CEP63: variants seen among roughly 807,000 people sequenced by gnomAD.
CEP63 encodes centrosomal protein of 63 kDa.
A neutral mutation model predicts 89.1 loss-of-function variants in CEP63; 84 were observed. The observed-to-expected ratio is 0.94, with a 90% confidence interval of 0.79 to 1.13. The LOEUF is 1.13. CEP63 is among the 50% of genes most tolerant of loss of function. The pLI, the probability that CEP63 is intolerant of heterozygous loss-of-function variation, is 0.00. For synonymous variants in CEP63, 267 were observed against 272.5 expected, an observed-to-expected ratio of 0.98 and a Z score of 0.20; for missense variants, 838 against 813.3, an observed-to-expected ratio of 1.03 and a Z score of -0.37.
intron 3 of CEP63, among the ~76,000 whole-genome samples, chr3:134,511,672 T>C (rs1453224206): frequency 6.6e-6 from 1 of 151,934 alleles, no homozygotes; most frequent in Admixed American, 6.5e-5. Context: ...TGGCAGAAAG[T>C]GAAGAGGAAG....
the CEP63 span, among the ~76,000 whole-genome samples, chr3:134,637,711 T>G: frequency 6.6e-6 from 1 of 152,256 alleles, no homozygotes; most frequent in African/African-American, 2.4e-5. Flanking sequence ...CCACTTCCAA[T>G]AAGTCACAGT....
At chr3:134,642,153 C>A in the CEP63 span, among the ~76,000 whole-genome samples, 38 of 152,272 alleles carry the variant, frequency 2.5e-4, no homozygotes, top group Non-Finnish European at 4.6e-4. Flanking sequence ...GCTGGTAATC[C>A]CAGTTGGCTG....
the CEP63 span, among the ~76,000 whole-genome samples, chr3:134,649,377 C>A: frequency 6.6e-6 from 1 of 152,102 alleles, no homozygotes; most frequent in Non-Finnish European, 1.5e-5. Flanking sequence ...GTGTCAGAGC[C>A]TTTAGAAGTG....
chr3:134,619,261 A>G, the CEP63 span: 1 of 1,612,834 alleles, frequency 6.2e-7, no homozygotes, highest in Non-Finnish European at 8.5e-7. Flanking sequence ...CTGCAATGTC[A>G]TACTCTATAG....
the CEP63 span, among the ~76,000 whole-genome samples, chr3:134,733,262 T>G: frequency 6.6e-6 from 1 of 151,908 alleles, no homozygotes; most frequent in Admixed American, 6.6e-5. Flanking sequence ...CCATGAACAA[T>G]CCATGCAGAA....
At chr3:134,568,990 C>T (rs1957904100), downstream of CEP63, among the ~76,000 whole-genome samples, 1 of 152,194 alleles carries the variant, frequency 6.6e-6, no homozygotes, top group South Asian at 2.1e-4. Flanking sequence ...TGGAGGGCAG[C>T]AGGCATAAAG....
intron 3 of CEP63, among the ~76,000 whole-genome samples, chr3:134,527,183 G>A (rs1363548265): frequency 6.6e-6 from 1 of 152,196 alleles, no homozygotes. Flanking sequence ...CTCCCTGAGA[G>A]CATTCACCAC....
At chr3:134,762,626 T>A in the CEP63 span, among the ~76,000 whole-genome samples, 1 of 152,128 alleles carries the variant, frequency 6.6e-6, no homozygotes, top group African/African-American at 2.4e-5. Flanking sequence ...CACAAGGGCA[T>A]AGGGAGAAGA....
chr3:134,643,374 G>A, the CEP63 span: 1 of 1,613,896 alleles, frequency 6.2e-7, no homozygotes, highest in South Asian at 1.1e-5. Flanking sequence ...TCTCCACCAA[G>A]TTTTCTATTT....
chr3:134,519,348 G>A (rs1946938424), intron 3 of CEP63, among the ~76,000 whole-genome samples: 1 of 151,114 alleles, frequency 6.6e-6, no homozygotes, highest in South Asian at 2.1e-4. Flanking sequence ...TGGTCAGGCT[G>A]GTCTCAAACT....
intron 6 of CEP63, among the ~76,000 whole-genome samples, chr3:134,540,720 T>G (rs1951815498): frequency 6.6e-6 from 1 of 152,086 alleles, no homozygotes; most frequent in Non-Finnish European, 1.5e-5. Context: ...GCCATCTTCA[T>G]TTTTCATAAA....
chr3:134,752,566 T>C, the CEP63 span, among the ~76,000 whole-genome samples: 2 of 152,074 alleles, frequency 1.3e-5, no homozygotes, highest in Non-Finnish European at 2.9e-5. Flanking sequence ...GATGATTACA[T>C]ACATAGACAG....
At chr3:134,618,672 C>A in the CEP63 span, among the ~76,000 whole-genome samples, 2 of 152,176 alleles carry the variant, frequency 1.3e-5, no homozygotes, top group Admixed American at 1.3e-4. Context: ...TGGAGCCCAG[C>A]GACTCCAAGA....
chr3:134,654,759 T>A, the CEP63 span, among the ~76,000 whole-genome samples: 1 of 152,024 alleles, frequency 6.6e-6, no homozygotes, highest in South Asian at 2.1e-4. Flanking sequence ...GTGGGGAGGG[T>A]CTCATGAATG....
the CEP63 span, among the ~76,000 whole-genome samples, chr3:134,639,601 G>C: frequency 6.6e-6 from 1 of 152,170 alleles, no homozygotes; most frequent in East Asian, 1.9e-4. Flanking sequence ...ATGGGGATAA[G>C]GGCTGATGAC....
At chr3:134,604,205 G>A in the CEP63 span, 1 of 1,612,736 alleles carries the variant, frequency 6.2e-7, no homozygotes, top group Non-Finnish European at 8.5e-7. Context: ...AACCAGCTGG[G>A]GCCCACGGGC....
chr3:134,656,511 G>A, the CEP63 span, among the ~76,000 whole-genome samples: 5 of 152,216 alleles, frequency 3.3e-5, no homozygotes, highest in Non-Finnish European at 4.4e-5. Flanking sequence ...AAGTGTGAGG[G>A]TGCAGGTCCC....
the CEP63 span, among the ~76,000 whole-genome samples, chr3:134,659,622 T>C: frequency 6.6e-6 from 1 of 152,196 alleles, no homozygotes; most frequent in Admixed American, 6.5e-5. Flanking sequence ...GGCCAGCCAC[T>C]CGCAGGGCTT....
the CEP63 span, among the ~76,000 whole-genome samples, chr3:134,686,599 G>A: frequency 4.6e-5 from 7 of 152,204 alleles, no homozygotes; most frequent in Non-Finnish European, 8.8e-5. Context: ...ACATAAGCTT[G>A]ACTCATCCCC....
Sources: allele counts gnomAD v4.1 joint callset (sites outside exome capture counted in the v4.1 genomes callset), GRCh38; gene constraint gnomAD v4.1.1; transcripts MANE v1.5; gene names NCBI Gene and HGNC (gene_info 2026-07-23, HGNC 2026-07-21).